Variants in MEGF11 observed in about 807,000 individuals in gnomAD.
The protein encoded by MEGF11 is multiple epidermal growth factor-like domains protein 11.
In MEGF11, 126 loss-of-function variants were observed where a neutral mutation model predicts 146.6. The ratio of observed to expected loss-of-function variants is 0.86; its 90% CI spans 0.74 to 1.00. MEGF11 has a LOEUF of 1.00. MEGF11 is among the 50% of genes least tolerant of loss of function. MEGF11 has a pLI of 0.00. For synonymous variants in MEGF11, 532 were observed against 583.4 expected, an observed-to-expected ratio of 0.91 and a Z score of 1.27; for missense variants, 1,509 against 1,521.2, an observed-to-expected ratio of 0.99 and a Z score of 0.13.
intron 1 of MEGF11, among the ~76,000 whole-genome samples, chr15:66,135,017 C>T (rs2140985559): frequency 6.6e-6 from 1 of 152,288 alleles, no homozygotes; most frequent in Admixed American, 6.5e-5. Context: ...GCTGTATAAC[C>T]CAGTAGAGTC....
At position 66,057,626 on chromosome 15, in the gene MEGF11, C is replaced by T. The variant is rs1188031472; in HGVS notation, c.394+36776G>A. On this transcript the variant is annotated intron_variant, in intron 5 of 25. Coordinates refer to ENST00000395614, the MANE Select transcript of MEGF11 (RefSeq NM_001385028.1). ...TAAAAGTGATGCAAGCAGATGAAGG[C>T]TGTTATAGGCACCTAATTAGGGTCA... Among the ~76,000 whole-genome samples the T allele has an allele frequency of 4.0e-4, 60 of 151,872 alleles. 1 individual carries two copies. The highest frequency in any genetic ancestry group is 3.9e-3 in the Admixed American group (60 of 15,244).
At chr15:66,145,433 T>C (rs1402445700) in intron 1 of MEGF11, among the ~76,000 whole-genome samples, 1 of 152,180 alleles carries the variant, frequency 6.6e-6, no homozygotes, top group African/African-American at 2.4e-5. Context: ...AACGAGGAGC[T>C]GCCAGCAGCT....
chr15:66,115,568 C>T lies in MEGF11; in HGVS notation c.301+3518G>A, dbSNP rs150103558. Among the ~76,000 whole-genome samples, 7 of 152,294 alleles carry T rather than the reference C, an allele frequency of 4.6e-5. No homozygotes were observed. The East Asian group carries it at 7.7e-4, about 17-fold the overall frequency. ...GTCTCAAGCTGCAGCACCTGAGACA[C>T]GCCCTTATTTGGAGATAGGGTCTTA... On this transcript the variant is annotated intron_variant, in intron 4 of 25. Transcript: ENST00000395614.
At position 66,094,498 on chromosome 15, in the gene MEGF11, A is replaced by AG; in HGVS notation, c.302-5dup. 6.4e-7 allele frequency: 1 copy of AG among 1,558,586 alleles called. No individual in the cohort carries two copies. ...ACACACTCCTCCGTACACAGGGCTG[A>AG]GGGGACATGGGGAGAGGGAGGAAGA... is the stretch of plus-strand genomic sequence containing the variant. On this transcript the variant is annotated splice_polypyrimidine_tract_variant and splice_region_variant and intron_variant, in intron 4 of 25. Transcript: ENST00000395614.
At chr15:65,971,824 G>A (rs333560) in intron 7 of MEGF11, among the ~76,000 whole-genome samples, 111,431 of 151,918 alleles carry the variant, frequency 0.73, 42,153 homozygotes, top group Middle Eastern at 0.85. Flanking sequence ...GAGAAACACT[G>A]AAATAAACAA....
intron 5 of MEGF11, among the ~76,000 whole-genome samples, chr15:66,065,638 C>T (rs912306926): frequency 6.6e-6 from 1 of 152,208 alleles, no homozygotes; most frequent in Non-Finnish European, 1.5e-5. Context: ...GCAAACATTT[C>T]CTGCGTCCAA....
intron 8 of MEGF11, among the ~76,000 whole-genome samples, chr15:65,968,460 G>T (rs2081191083): frequency 6.6e-6 from 1 of 152,134 alleles, no homozygotes; most frequent in African/African-American, 2.4e-5. Flanking sequence ...TCCTCTGAAG[G>T]GCAATTCCCT....
At chr15:66,053,600 C>G (rs1057022335) in intron 5 of MEGF11, among the ~76,000 whole-genome samples, 1 of 152,014 alleles carries the variant, frequency 6.6e-6, no homozygotes, top group Admixed American at 6.5e-5. Context: ...CCTCAGGGCC[C>G]AGACCCCTGC....
chr15:65,969,640 G>C (rs1187605064), intron 8 of MEGF11, among the ~76,000 whole-genome samples: 1 of 152,220 alleles, frequency 6.6e-6, no homozygotes, highest in Admixed American at 6.5e-5. Flanking sequence ...ATTAGAAATG[G>C]AGGGATTCAT....
intron 4 of MEGF11, among the ~76,000 whole-genome samples, chr15:66,105,127 A>T (rs1443551846): frequency 6.6e-6 from 1 of 152,106 alleles, no homozygotes; most frequent in African/African-American, 2.4e-5. Context: ...AGATGCAATT[A>T]AAAAACGGGG....
At chr15:66,117,805 C>T (rs1438522499) in intron 4 of MEGF11, among the ~76,000 whole-genome samples, 1 of 152,182 alleles carries the variant, frequency 6.6e-6, no homozygotes, top group East Asian at 1.9e-4. Context: ...CTAGCTCAGT[C>T]CTCTGCCCTG....
intron 1 of MEGF11, among the ~76,000 whole-genome samples, chr15:66,193,082 T>C (rs1321427664): frequency 6.6e-6 from 1 of 152,248 alleles, no homozygotes; most frequent in East Asian, 1.9e-4. Context: ...TTCAGATTAG[T>C]ACCATGTGTT....
chr15:66,176,089 GA>G (rs2090382282), intron 1 of MEGF11, among the ~76,000 whole-genome samples: 1 of 152,056 alleles, frequency 6.6e-6, no homozygotes, highest in Non-Finnish European at 1.5e-5. Flanking sequence ...AATCACCAGG[GA>G]TTTGCAAATC....
Position 65,924,655 on chromosome 15 carries a change from G to T in MEGF11, c.1676-1686C>A, listed in dbSNP as rs372926012. On this transcript the variant is annotated intron_variant, in intron 13 of 25. Transcript: ENST00000395614. Reference sequence around the variant, plus strand: ...TTTTTTTTTTTTTTTTGGAGACAGGGTCTCACTCTATCACCCAGGTGGGAG... The same window carrying T: ...TTTTTTTTTTTTTTTTGGAGACAGGTTCTCACTCTATCACCCAGGTGGGAG... 2.4e-3 allele frequency among the ~76,000 whole-genome samples: 346 copies of T among 145,944 alleles called. 1 individual carries two copies. The highest frequency in any genetic ancestry group is 8.4e-3 in the African/African-American group (334 of 39,540).
At chr15:66,058,254 A>G (rs549483881) in intron 5 of MEGF11, among the ~76,000 whole-genome samples, 1 of 152,356 alleles carries the variant, frequency 6.6e-6, no homozygotes, top group Admixed American at 6.5e-5. Context: ...TAAATGGATA[A>G]TATCAGAATA....
At chr15:65,998,255 GCCAGTGC>G (rs2082258911) in intron 5 of MEGF11, among the ~76,000 whole-genome samples, 1 of 152,152 alleles carries the variant, frequency 6.6e-6, no homozygotes, top group Non-Finnish European at 1.5e-5. Flanking sequence ...TCCCTGGTAG[GCCAGTGC>G]CTGCTCGCTT....
intron 5 of MEGF11, among the ~76,000 whole-genome samples, chr15:66,051,061 C>A (rs1308614060): frequency 1.3e-5 from 2 of 152,240 alleles, no homozygotes; most frequent in Admixed American, 6.5e-5. Context: ...CCCCAAAGGA[C>A]AATCATTACA....
intron 1 of MEGF11, among the ~76,000 whole-genome samples, chr15:66,132,777 C>T (rs2088705202): frequency 6.6e-6 from 1 of 152,138 alleles, no homozygotes; most frequent in Non-Finnish European, 1.5e-5. Context: ...TTCTCCCCTC[C>T]TATATTTACC....
chr15:65,952,251 A>C (rs2141452233), intron 10 of MEGF11, among the ~76,000 whole-genome samples: 1 of 152,136 alleles, frequency 6.6e-6, no homozygotes, highest in African/African-American at 2.4e-5. Context: ...GGCAGGACTT[A>C]GTGGGAGATG....
Sources: allele counts gnomAD v4.1 joint callset (sites outside exome capture counted in the v4.1 genomes callset), GRCh38; gene constraint gnomAD v4.1.1; transcripts MANE v1.5; gene names NCBI Gene and HGNC (gene_info 2026-07-23, HGNC 2026-07-21).